NPAS3: variants seen among roughly 807,000 people sequenced by gnomAD.
NPAS3 encodes the protein neuronal PAS domain-containing protein 3.
In NPAS3, 14 loss-of-function variants were observed where a neutral mutation model predicts 73.1. That is an observed-to-expected ratio of 0.19 (90% CI 0.13 to 0.30). NPAS3 has a LOEUF of 0.30. Ranked by LOEUF, NPAS3 falls within the 10% of genes least tolerant of loss-of-function variation. The pLI, the probability that NPAS3 is intolerant of heterozygous loss-of-function variation, is 1.00. For synonymous variants in NPAS3, 620 were observed against 541.5 expected, an observed-to-expected ratio of 1.14 and a Z score of -2.01; for missense variants, 1,096 against 1,250.0, an observed-to-expected ratio of 0.88 and a Z score of 1.86.
chr14:33,517,201 A>G (rs1317651332), intron 4 of NPAS3, among the ~76,000 whole-genome samples: 1 of 152,052 alleles, frequency 6.6e-6, no homozygotes, highest in Non-Finnish European at 1.5e-5. Context: ...AGGTGATTGT[A>G]GTTCGCTTAT....
intron 4 of NPAS3, among the ~76,000 whole-genome samples, chr14:33,516,262 A>T (rs1449561265): frequency 6.6e-6 from 1 of 152,154 alleles, no homozygotes; most frequent in African/African-American, 2.4e-5. Context: ...ATAAAGTGAG[A>T]TAGAGAATTA....
At chr14:33,481,130 A>G (rs1431107693) in intron 4 of NPAS3, among the ~76,000 whole-genome samples, 1 of 152,212 alleles carries the variant, frequency 6.6e-6, no homozygotes, top group Non-Finnish European at 1.5e-5. Context: ...GAAAAAGTCC[A>G]GAGTATAAGC....
At chr14:33,446,033 T>C (rs982025096) in intron 4 of NPAS3, among the ~76,000 whole-genome samples, 3 of 152,076 alleles carry the variant, frequency 2.0e-5, no homozygotes, top group African/African-American at 7.2e-5. Flanking sequence ...CTTATCTTTT[T>C]CCTCAATGAT....
At chr14:33,620,495 G>A (rs1355130528) in intron 5 of NPAS3, among the ~76,000 whole-genome samples, 1 of 152,152 alleles carries the variant, frequency 6.6e-6, no homozygotes, top group Non-Finnish European at 1.5e-5. Context: ...AGAAGTGTAT[G>A]TGCTGTATAT....
At position 33,497,083 on chromosome 14, in the gene NPAS3, G is replaced by A. The variant is rs1365185321; in HGVS notation, c.469-63038G>A. Reference sequence around the variant, plus strand: ...ACAAACAGAGAGCCAAATCATGAGTGAACTCCCATTCACAATTGCTACAAA... The same window carrying A: ...ACAAACAGAGAGCCAAATCATGAGTAAACTCCCATTCACAATTGCTACAAA... On this transcript the variant is annotated intron_variant, in intron 4 of 11. Coordinates refer to ENST00000356141, the Ensembl canonical transcript of NPAS3. Among the ~76,000 whole-genome samples the A allele has an allele frequency of 2.6e-5, 4 of 152,218 alleles. No homozygotes were observed. The East Asian group carries it at 7.7e-4, about 29-fold the overall frequency.
chr14:33,800,167 G>A lies in NPAS3; in HGVS notation c.1860G>A (p.Ala620=), dbSNP rs368518909. 6 of 1,606,768 alleles carry A rather than the reference G, an allele frequency of 3.7e-6. No homozygotes were observed. Among genetic ancestry groups the A allele is most frequent in the East Asian group, 2.2e-5 (1 of 44,692 alleles). Residue 620 remains alanine (A), a synonymous_variant, in exon 12 of 12, where the codon GCG becomes GCA. Transcript: ENST00000356141. The surrounding 1 kb of genome is among the most constrained non-coding windows in gnomAD (Gnocchi z 6.5). ...CCAGCCGCCGGCGCCTGTCCAGCGC[G>A]TCGAGCCCAGGCGGCCTGGACGCGG... is the stretch of plus-strand genomic sequence containing the variant.
chr14:33,265,405 A>G (rs1015004197), intron 3 of NPAS3, among the ~76,000 whole-genome samples: 3 of 152,154 alleles, frequency 2.0e-5, no homozygotes, highest in Non-Finnish European at 2.9e-5. Context: ...CTTTTACAAT[A>G]TATTTTTTCT....
intron 4 of NPAS3, among the ~76,000 whole-genome samples, chr14:33,405,301 T>C (rs1248831741): frequency 6.6e-6 from 1 of 152,074 alleles, no homozygotes; most frequent in African/African-American, 2.4e-5. Flanking sequence ...AGGCCATTTC[T>C]GAACAGAATA....
At chr14:33,196,922 A>G (rs1004639115) in intron 2 of NPAS3, among the ~76,000 whole-genome samples, 3 of 152,178 alleles carry the variant, frequency 2.0e-5, no homozygotes, top group Non-Finnish European at 4.4e-5. Flanking sequence ...TTTTCTGTGT[A>G]AGAATTGGCC....
intron 4 of NPAS3, among the ~76,000 whole-genome samples, chr14:33,516,486 G>A (rs750857486): frequency 3.1e-4 from 47 of 152,110 alleles, no homozygotes; most frequent in Non-Finnish European, 6.5e-4. Context: ...CCCCTAGTAC[G>A]AGGAAAATAT....
intron 3 of NPAS3, among the ~76,000 whole-genome samples, chr14:33,325,982 G>A (rs2140254897): frequency 6.6e-6 from 1 of 152,174 alleles, no homozygotes; most frequent in East Asian, 1.9e-4. Context: ...GGGTACTCAA[G>A]AATAGGATGG....
At chr14:33,694,714 C>A (rs1025340240) in intron 6 of NPAS3, among the ~76,000 whole-genome samples, 14 of 152,186 alleles carry the variant, frequency 9.2e-5, no homozygotes, top group African/African-American at 1.2e-4. Flanking sequence ...ACATTCCCAA[C>A]TTGAACATTA....
At chr14:33,307,446 T>G (rs547987287) in intron 3 of NPAS3, among the ~76,000 whole-genome samples, 13 of 152,214 alleles carry the variant, frequency 8.5e-5, no homozygotes, top group African/African-American at 3.1e-4. Flanking sequence ...TTTTTCCCCC[T>G]TTGCAGACAG....
At chr14:33,364,802 A>C (rs1380985382) in intron 3 of NPAS3, among the ~76,000 whole-genome samples, 4 of 151,154 alleles carry the variant, frequency 2.6e-5, no homozygotes, top group African/African-American at 7.3e-5. Context: ...TGAAGACAAC[A>C]GCGTCTATGC....
downstream of NPAS3, chr14:33,803,986 T>A (rs948509540): frequency 2.0e-5 from 3 of 152,250 alleles, no homozygotes; most frequent in African/African-American, 7.2e-5. Flanking sequence ...TGGCTTATTT[T>A]GAAACATTTT....
intron 3 of NPAS3, among the ~76,000 whole-genome samples, chr14:33,328,786 C>T (rs1034582463): frequency 2.0e-5 from 3 of 152,026 alleles, no homozygotes; most frequent in Non-Finnish European, 4.4e-5. Flanking sequence ...TTCCTGAATT[C>T]TTGAGATGAA....
At chr14:33,479,894 C>T (rs2051230400) in intron 4 of NPAS3, among the ~76,000 whole-genome samples, 1 of 151,964 alleles carries the variant, frequency 6.6e-6, no homozygotes, top group South Asian at 2.1e-4. Flanking sequence ...TCTCTAGAAC[C>T]CCTTGCATGA....
intron 3 of NPAS3, among the ~76,000 whole-genome samples, chr14:33,251,241 C>G (rs999199882): frequency 2.2e-4 from 33 of 152,054 alleles, no homozygotes; most frequent in African/African-American, 7.7e-4. Context: ...TTTTTCTTTT[C>G]TTATACAGAA....
At chr14:32,937,968 C>G (rs372480476), upstream of NPAS3, among the ~76,000 whole-genome samples, 2 of 152,166 alleles carry the variant, frequency 1.3e-5, no homozygotes, top group East Asian at 1.9e-4. Context: ...CAGCCTTTCT[C>G]TAGGCCTTGC....
Sources: allele counts gnomAD v4.1 joint callset (sites outside exome capture counted in the v4.1 genomes callset), GRCh38; gene constraint gnomAD v4.1.1; non-coding constraint Gnocchi (gnomAD v3.1); transcripts MANE v1.5; gene names NCBI Gene and HGNC (gene_info 2026-07-23, HGNC 2026-07-21).